The following ZNF536 variants were observed in gnomAD, a reference collection of about 807,000 sequenced individuals.
The protein encoded by ZNF536 is zinc finger protein 536.
A neutral mutation model predicts 84.5 loss-of-function variants in ZNF536; 13 were observed. The ratio of observed to expected loss-of-function variants is 0.15; its 90% CI spans 0.10 to 0.24. The LOEUF (loss-of-function observed/expected upper bound fraction) is 0.24. Among genes scored for constraint, ZNF536 ranks in the 10% least tolerant of loss-of-function variants. The probability of loss-of-function intolerance (pLI) is 1.00; values close to 1 mark genes in which losing one functional copy is unlikely to be tolerated. For synonymous variants in ZNF536, 811 were observed against 742.5 expected (o/e 1.09, Z -1.50); for missense variants, 1,536 against 1,747.5 (o/e 0.88, Z 2.16).
rs150080018 is a variant in ZNF536 at position 30,261,465 on chromosome 19, TGAG to T, written c.-189-22605_-189-22603del. Reference sequence around the variant, plus strand: ...GCTATGGCTCAGCTCTTTGGGAGGCTGAGGTCAGAGGATAGCTTGAGCCCTGGA... The same window carrying T: ...GCTATGGCTCAGCTCTTTGGGAGGCTGTCAGAGGATAGCTTGAGCCCTGGA... On this transcript the variant is annotated intron_variant, in intron 1 of 5. Coordinates refer to the ZNF536 transcript ENST00000585628. 5.1e-3 allele frequency among the ~76,000 whole-genome samples: 780 copies of T among 152,008 alleles called. 6 individuals are homozygous for T. Among genetic ancestry groups the T allele is most frequent in the African/African-American group, 0.018 (749 of 41,502 alleles).
At chr19:30,649,056 T>C (rs2049592669) in intron 1 of ZNF536, among the ~76,000 whole-genome samples, 1 of 152,184 alleles carries the variant, frequency 6.6e-6, no homozygotes, top group African/African-American at 2.4e-5. Context: ...ATTCCATAGT[T>C]AACCAGGATC....
intron 2 of ZNF536, among the ~76,000 whole-genome samples, chr19:30,521,051 C>T (rs1476851041): frequency 1.3e-5 from 2 of 152,222 alleles, no homozygotes; most frequent in Non-Finnish European, 2.9e-5. Context: ...CTGTGACTGG[C>T]ACCATTCTCC....
At chr19:30,700,917 G>C (rs2051918007) in intron 1 of ZNF536, among the ~76,000 whole-genome samples, 1 of 152,258 alleles carries the variant, frequency 6.6e-6, no homozygotes, top group Non-Finnish European at 1.5e-5. Context: ...GTGTTATAGG[G>C]AGCCCCTCTG....
At chr19:30,602,694 G>A (rs2047731898) in intron 1 of ZNF536, among the ~76,000 whole-genome samples, 1 of 152,162 alleles carries the variant, frequency 6.6e-6, no homozygotes, top group Non-Finnish European at 1.5e-5. Flanking sequence ...GGTTCAAGGA[G>A]CAACAGATGC....
chr19:30,428,332 G>A (rs2051302866), intron 1 of ZNF536, among the ~76,000 whole-genome samples: 1 of 152,222 alleles, frequency 6.6e-6, no homozygotes, highest in South Asian at 2.1e-4. Context: ...CTTCCTAGCA[G>A]TGACCTCACT....
At chr19:30,570,434 C>T (rs1443011709) in intron 1 of ZNF536, among the ~76,000 whole-genome samples, 7 of 152,154 alleles carry the variant, frequency 4.6e-5, no homozygotes, top group Admixed American at 3.3e-4. Context: ...TTTTCTTCTC[C>T]CTGTGAGTGA....
intron 2 of ZNF536, among the ~76,000 whole-genome samples, chr19:30,484,953 C>G (rs966317898): frequency 6.6e-6 from 1 of 151,928 alleles, no homozygotes; most frequent in Non-Finnish European, 1.5e-5. Context: ...ACCATCCTGG[C>G]TAACATGGTG....
chr19:30,278,511 A>G (rs1414664223), intron 1 of ZNF536, among the ~76,000 whole-genome samples: 1 of 152,160 alleles, frequency 6.6e-6, no homozygotes, highest in Non-Finnish European at 1.5e-5. Flanking sequence ...CTAGCAGGGC[A>G]GTCTTTCTGG....
chr19:30,488,722 G>T (rs762551398), intron 2 of ZNF536, among the ~76,000 whole-genome samples: 2 of 152,132 alleles, frequency 1.3e-5, no homozygotes, highest in Admixed American at 6.5e-5. Context: ...AATCTGTGCC[G>T]AAGAGAGTTC....
chr19:30,687,430 G>A (rs144541447), intron 1 of ZNF536, among the ~76,000 whole-genome samples: 3 of 152,196 alleles, frequency 2.0e-5, no homozygotes, highest in Admixed American at 1.3e-4. Flanking sequence ...GTCCGACACA[G>A]GGAGAGATAT....
intron 2 of ZNF536, among the ~76,000 whole-genome samples, chr19:30,317,633 G>T (rs938931868): frequency 1.3e-5 from 2 of 152,218 alleles, no homozygotes; most frequent in Non-Finnish European, 2.9e-5. Flanking sequence ...GACCATTTGC[G>T]CCTGGCTGCT....
chr19:30,343,199 T>C (rs916252958), intron 2 of ZNF536, among the ~76,000 whole-genome samples: 1 of 152,188 alleles, frequency 6.6e-6, no homozygotes, highest in African/African-American at 2.4e-5. Context: ...TGAATGTTTC[T>C]GGAAAAAGGG....
At chr19:30,311,759 A>G (rs774475377) in intron 2 of ZNF536, among the ~76,000 whole-genome samples, 18 of 152,146 alleles carry the variant, frequency 1.2e-4, no homozygotes, top group Non-Finnish European at 2.5e-4. Flanking sequence ...ACATTAAAGT[A>G]AATGCAAGTG....
intron 2 of ZNF536, among the ~76,000 whole-genome samples, chr19:30,474,276 T>C (rs2144695710): frequency 6.6e-6 from 1 of 152,218 alleles, no homozygotes; most frequent in East Asian, 1.9e-4. Flanking sequence ...GATGACATCC[T>C]GCAAGCTGGG....
At chr19:30,682,542 G>C (rs2051017969) in intron 1 of ZNF536, among the ~76,000 whole-genome samples, 1 of 152,296 alleles carries the variant, frequency 6.6e-6, no homozygotes, top group African/African-American at 2.4e-5. Flanking sequence ...CTTTGGAAGG[G>C]TGCCTTCCCC....
chr19:30,225,693 G>C (rs1249393494), upstream of ZNF536, among the ~76,000 whole-genome samples: 2 of 147,818 alleles, frequency 1.4e-5, no homozygotes, highest in African/African-American at 5.0e-5. Flanking sequence ...AAGGTGGGGG[G>C]GGGATCGCGG....
At chr19:30,374,687 G>GT (rs2048739948) in intron 1 of ZNF536, among the ~76,000 whole-genome samples, 1 of 5,982 alleles carries the variant, frequency 1.7e-4, no homozygotes, top group Middle Eastern at 0.062. Flanking sequence ...CAAACTGAGT[G>GT]TTGTTTTTTT....
intron 1 of ZNF536, among the ~76,000 whole-genome samples, chr19:30,238,290 A>C (rs2023685882): frequency 6.6e-6 from 1 of 151,992 alleles, no homozygotes; most frequent in African/African-American, 2.4e-5. Flanking sequence ...GAATCCAATA[A>C]CTATTGGCTG....
chr19:30,648,309 C>G (rs1186799748), intron 1 of ZNF536, among the ~76,000 whole-genome samples: 1 of 152,208 alleles, frequency 6.6e-6, no homozygotes, highest in African/African-American at 2.4e-5. Flanking sequence ...AGCTTGACCT[C>G]ATTTCCTTTT....
Sources: allele counts gnomAD v4.1 joint callset (sites outside exome capture counted in the v4.1 genomes callset), GRCh38; gene constraint gnomAD v4.1.1; transcripts MANE v1.5; gene names NCBI Gene and HGNC (gene_info 2026-07-23, HGNC 2026-07-21).